JAZF1: variants seen among roughly 807,000 people sequenced by gnomAD.
JAZF1 encodes JAZF zinc finger 1.
JAZF1 carries 8 observed loss-of-function variants against 26.4 expected under a neutral mutation model. That is an observed-to-expected ratio of 0.30 (90% CI 0.18 to 0.55). JAZF1 has a LOEUF of 0.55. JAZF1 is among the 20% of genes least tolerant of loss of function. JAZF1 has a pLI of 0.94. For synonymous variants in JAZF1, 126 were observed against 122.3 expected (o/e 1.03, Z -0.20); for missense variants, 199 against 322.0 (o/e 0.62, Z 2.92).
chr7:28,069,211 G>A (rs1023209783), intron 1 of JAZF1, among the ~76,000 whole-genome samples: 3 of 152,248 alleles, frequency 2.0e-5, no homozygotes, highest in Non-Finnish European at 4.4e-5. Flanking sequence ...CCAGCTCAGC[G>A]CTGCTTCCTC....
At chr7:27,857,303 G>A (rs376176927) in intron 3 of JAZF1, among the ~76,000 whole-genome samples, 7 of 152,204 alleles carry the variant, frequency 4.6e-5, no homozygotes, top group African/African-American at 9.6e-5. Context: ...TGGCCGCTCC[G>A]AGTGCGGGGA....
At chr7:27,853,034 G>C (rs890288369) in intron 3 of JAZF1, among the ~76,000 whole-genome samples, 2 of 152,176 alleles carry the variant, frequency 1.3e-5, no homozygotes, top group Middle Eastern at 3.2e-3. Context: ...AACCACAGGA[G>C]TGCCCTGTCC....
At chr7:27,943,778 C>A (rs1202894063) in intron 2 of JAZF1, among the ~76,000 whole-genome samples, 3 of 152,174 alleles carry the variant, frequency 2.0e-5, no homozygotes, top group African/African-American at 7.2e-5. Context: ...AGCTACAAAG[C>A]TCTTTCTCTA....
chr7:27,834,258 GTTCACGCCTCAC>G (rs1209750617), intron 4 of JAZF1, among the ~76,000 whole-genome samples: 2 of 152,190 alleles, frequency 1.3e-5, no homozygotes, highest in Non-Finnish European at 2.9e-5. Flanking sequence ...CACTTCCCAA[GTTCACGCCTCAC>G]TAGTCTGGAA....
chr7:28,027,091 A>G (rs1429467091), intron 1 of JAZF1, among the ~76,000 whole-genome samples: 1 of 152,172 alleles, frequency 6.6e-6, no homozygotes, highest in Non-Finnish European at 1.5e-5. Context: ...GTAACAGCTG[A>G]GCTGGCTTGT....
chr7:28,149,335 C>A (rs1783073154), intron 1 of JAZF1, among the ~76,000 whole-genome samples: 1 of 152,088 alleles, frequency 6.6e-6, no homozygotes, highest in Admixed American at 6.5e-5. Context: ...AAGTATGTCG[C>A]CAGTGTCAAG....
intron 1 of JAZF1, among the ~76,000 whole-genome samples, chr7:28,091,609 TTATA>T (rs200569766): frequency 0.051 from 7,561 of 147,900 alleles, 645 homozygotes; most frequent in African/African-American, 0.18. Context: ...TACATATATA[TTATA>T]TATATATAAC....
Position 27,840,579 on chromosome 7 carries a change from G to C in JAZF1, c.555+119C>G. ...GAGGCCCACGCACTCTAATGCAGGA[G>C]AGGGGAGTGTCTCCCCCCAGCCCAT... On this transcript the variant is annotated intron_variant, in intron 4 of 4. Coordinates refer to ENST00000283928, the MANE Select transcript of JAZF1 (RefSeq NM_175061.4). The surrounding 1 kb of genome is among the most constrained non-coding windows in gnomAD (Gnocchi z 5.1). 9.6e-7 allele frequency: 1 copy of C among 1,037,412 alleles called. No homozygotes were observed. The highest frequency in any genetic ancestry group is 1.4e-6 in the Non-Finnish European group (1 of 690,758). The allele number at this position is 1,037,412 out of a possible 1,614,324, so 64.3% of individuals were successfully genotyped here.
chr7:28,017,718 T>C lies in JAZF1; in HGVS notation c.116-25737A>G, dbSNP rs117844696. ...AAATCCTGCCCTCGTGATGTGTACA[T>C]TTTGGTGAAAAAGACCAGCAAATGA... is the stretch of plus-strand genomic sequence containing the variant. On this transcript the variant is annotated intron_variant, in intron 1 of 4. Transcript: ENST00000283928. Among the ~76,000 whole-genome samples, 791 of 152,348 alleles carry C rather than the reference T, an allele frequency of 5.2e-3. 3 individuals carry two copies. The highest frequency in any genetic ancestry group is 0.014 in the Middle Eastern group (4 of 294).
intron 2 of JAZF1, among the ~76,000 whole-genome samples, chr7:27,911,993 G>A (rs1459436884): frequency 6.6e-6 from 1 of 152,164 alleles, no homozygotes; most frequent in Admixed American, 6.5e-5. Context: ...ATTTATTTGA[G>A]TGTTTTATGC....
At chr7:27,836,032 C>T (rs1782805793) in intron 4 of JAZF1, among the ~76,000 whole-genome samples, 1 of 152,168 alleles carries the variant, frequency 6.6e-6, no homozygotes, top group African/African-American at 2.4e-5. Context: ...AGGTGAGTGA[C>T]TTGGCCAAGA....
intron 2 of JAZF1, among the ~76,000 whole-genome samples, chr7:27,896,685 C>T (rs561335702): frequency 5.5e-4 from 84 of 152,262 alleles, no homozygotes; most frequent in African/African-American, 1.3e-3. Context: ...TAATACCTGG[C>T]GAAAGCTTGA....
At chr7:28,141,062 T>C (rs1782953173) in intron 1 of JAZF1, among the ~76,000 whole-genome samples, 1 of 152,248 alleles carries the variant, frequency 6.6e-6, no homozygotes, top group South Asian at 2.1e-4. Context: ...CTTGGTTATG[T>C]TATGCTATCC....
intron 3 of JAZF1, among the ~76,000 whole-genome samples, chr7:27,853,063 C>T (rs141773911): frequency 6.5e-4 from 99 of 152,332 alleles, no homozygotes; most frequent in Non-Finnish European, 1.2e-3. Flanking sequence ...CCTGCGGTGA[C>T]GCCTTCCCAG....
At chr7:27,936,922 T>C (rs1209167705) in intron 2 of JAZF1, among the ~76,000 whole-genome samples, 1 of 152,250 alleles carries the variant, frequency 6.6e-6, no homozygotes, top group Non-Finnish European at 1.5e-5. Context: ...ATCACAGACA[T>C]GCTTGCTGAC....
chr7:27,866,288 G>A (rs923528499), intron 3 of JAZF1, among the ~76,000 whole-genome samples: 1 of 152,206 alleles, frequency 6.6e-6, no homozygotes, highest in African/African-American at 2.4e-5. Context: ...GTGCAAAGGT[G>A]CACACAGAAC....
intron 1 of JAZF1, among the ~76,000 whole-genome samples, chr7:28,086,759 A>G (rs1784218051): frequency 1.3e-5 from 2 of 152,254 alleles, no homozygotes; most frequent in Admixed American, 6.5e-5. Flanking sequence ...CAAGAAAATC[A>G]ATTTCCTTCT....
chr7:28,033,398 G>C (rs1783226781), intron 1 of JAZF1, among the ~76,000 whole-genome samples: 1 of 152,202 alleles, frequency 6.6e-6, no homozygotes, highest in Non-Finnish European at 1.5e-5. Flanking sequence ...GATTAGAAAT[G>C]AGACACTCCA....
rs1253558763 is a variant in JAZF1 at position 28,049,379 on chromosome 7, C to T, written c.116-57398G>A. On this transcript the variant is annotated intron_variant, in intron 1 of 4. Transcript: ENST00000283928. ...GATTACAGGCGTGAGCCACCGCGCCCGGCCGGAAACCCTTTCTTTCTATTC... is the reference window on the plus strand; with the variant it reads ...GATTACAGGCGTGAGCCACCGCGCCTGGCCGGAAACCCTTTCTTTCTATTC... Among the ~76,000 whole-genome samples the T allele has an allele frequency of 5.9e-5, 9 of 152,050 alleles. 1 individual carries two copies. The highest frequency in any genetic ancestry group is 1.2e-4 in the Non-Finnish European group (8 of 67,998).
Sources: gnomAD v4.1 joint callset for allele counts (sites outside exome capture counted in the v4.1 genomes callset) on GRCh38, gnomAD v4.1.1 for gene constraint, Gnocchi (gnomAD v3.1) non-coding constraint, MANE v1.5 for transcripts, NCBI Gene and HGNC (gene_info 2026-07-23, HGNC 2026-07-21) for gene names.